The following CCDC102B variants were observed in gnomAD, a reference collection of about 807,000 sequenced individuals.
CCDC102B encodes the protein coiled-coil domain containing 102B.
Under a neutral mutation model 57.4 loss-of-function variants are expected in CCDC102B, and 75 were observed. The ratio of observed to expected loss-of-function variants is 1.31; its 90% CI spans 1.08 to 1.58. CCDC102B has a LOEUF of 1.58. Ranked by LOEUF, CCDC102B falls within the 40% of genes most tolerant of loss-of-function variation. CCDC102B has a pLI of 0.00. For synonymous variants in CCDC102B, 206 were observed against 201.9 expected (o/e 1.02, Z -0.17); for missense variants, 636 against 582.6 (o/e 1.09, Z -0.94).
chr18:69,046,422 C>T (rs1233514140), intron 7 of CCDC102B, among the ~76,000 whole-genome samples: 6 of 152,010 alleles, frequency 3.9e-5, no homozygotes, highest in Non-Finnish European at 8.8e-5. Context: ...TTCATATCCT[C>T]GGCCCACTTT....
chr18:68,925,380 G>A (rs906661453), intron 6 of CCDC102B, among the ~76,000 whole-genome samples: 2 of 151,774 alleles, frequency 1.3e-5, no homozygotes, highest in South Asian at 2.1e-4. Context: ...ATATACAGAC[G>A]GGGCTAGAAC....
At chr18:68,789,056 C>A (rs1201333966) in intron 2 of CCDC102B, among the ~76,000 whole-genome samples, 1 of 152,152 alleles carries the variant, frequency 6.6e-6, no homozygotes, top group Non-Finnish European at 1.5e-5. Context: ...ATTTGCTTAT[C>A]TGTAAAGTAT....
At chr18:68,733,113 G>GAAAT (rs2032958665) in intron 2 of CCDC102B, among the ~76,000 whole-genome samples, 1 of 152,070 alleles carries the variant, frequency 6.6e-6, no homozygotes, top group South Asian at 2.1e-4. Flanking sequence ...AAACAGCTCA[G>GAAAT]AAATGGAGCC....
At chr18:68,754,298 G>A (rs1471974242) in intron 2 of CCDC102B, 1 of 151,058 alleles carries the variant, frequency 6.6e-6, no homozygotes, top group Non-Finnish European at 1.5e-5. Flanking sequence ...ATGTTCACTG[G>A]AAATCAGTCA....
chr18:68,876,550 G>T (rs2039456791), intron 5 of CCDC102B, among the ~76,000 whole-genome samples: 1 of 152,140 alleles, frequency 6.6e-6, no homozygotes, highest in South Asian at 2.1e-4. Context: ...AGTAGGTGTT[G>T]ATCTGAATTG....
intron 1 of CCDC102B, among the ~76,000 whole-genome samples, chr18:68,835,650 CCTG>C (rs2037334284): frequency 6.6e-6 from 1 of 152,088 alleles, no homozygotes; most frequent in Non-Finnish European, 1.5e-5. Context: ...TATAGGTTAT[CCTG>C]CTCACATAGC....
At chr18:68,765,413 A>G (rs1213232756) in intron 2 of CCDC102B, among the ~76,000 whole-genome samples, 4 of 151,108 alleles carry the variant, frequency 2.6e-5, no homozygotes, top group Admixed American at 2.6e-4. Flanking sequence ...GGAAGGAAGG[A>G]AAGAGAAAGA....
At chr18:68,903,631 T>A (rs2145043220) in intron 6 of CCDC102B, among the ~76,000 whole-genome samples, 1 of 152,322 alleles carries the variant, frequency 6.6e-6, no homozygotes, top group Middle Eastern at 3.4e-3. Context: ...ATAAGCAGTC[T>A]ATGTATTCTC....
intron 7 of CCDC102B, among the ~76,000 whole-genome samples, chr18:69,016,976 G>A (rs1200195552): frequency 6.6e-6 from 1 of 152,032 alleles, no homozygotes; most frequent in Non-Finnish European, 1.5e-5. Flanking sequence ...AATATTAACT[G>A]CATCTTAACT....
At chr18:68,838,999 T>C (rs1568280063) in intron 3 of CCDC102B, 73 bp downstream of exon 3, 11 of 1,180,428 alleles carry the variant, frequency 9.3e-6, no homozygotes, top group South Asian at 6.4e-5. Flanking sequence ...TACAGATAGA[T>C]TGGTCATTTG....
At chr18:69,029,038 A>G (rs1285093627) in intron 7 of CCDC102B, among the ~76,000 whole-genome samples, 1 of 152,318 alleles carries the variant, frequency 6.6e-6, no homozygotes. Flanking sequence ...TTATCTCACT[A>G]TATAGCTGCA....
At chr18:68,940,553 G>C (rs1195437518) in intron 6 of CCDC102B, among the ~76,000 whole-genome samples, 1 of 151,726 alleles carries the variant, frequency 6.6e-6, no homozygotes, top group Non-Finnish European at 1.5e-5. Context: ...TCTTAAAGAA[G>C]CTTGTGAGAT....
chr18:68,765,493 AAAG>A (rs1049144074), intron 2 of CCDC102B, among the ~76,000 whole-genome samples: 2 of 152,012 alleles, frequency 1.3e-5, no homozygotes, highest in African/African-American at 4.8e-5. Flanking sequence ...AGGAAGAAAG[AAAG>A]AAGAAAGCAA....
At chr18:69,017,072 ATTTACT>A (rs2051689432) in intron 7 of CCDC102B, among the ~76,000 whole-genome samples, 1 of 151,844 alleles carries the variant, frequency 6.6e-6, no homozygotes, top group Non-Finnish European at 1.5e-5. Context: ...TATTAATAAG[ATTTACT>A]TTTAGTTCCA....
intron 6 of CCDC102B, among the ~76,000 whole-genome samples, chr18:68,950,087 T>A (rs1423615374): frequency 6.6e-6 from 1 of 152,134 alleles, no homozygotes; most frequent in Non-Finnish European, 1.5e-5. Context: ...CTATTCAAGA[T>A]AACATGAGAT....
chr18:68,904,186 A>G (rs1423969891), intron 6 of CCDC102B, among the ~76,000 whole-genome samples: 2 of 152,148 alleles, frequency 1.3e-5, no homozygotes, highest in Non-Finnish European at 2.9e-5. Flanking sequence ...CTGTTTACAT[A>G]GATTCTATAG....
chr18:68,742,777 G>T (rs2033447100), intron 2 of CCDC102B, among the ~76,000 whole-genome samples: 1 of 152,086 alleles, frequency 6.6e-6, no homozygotes, highest in South Asian at 2.1e-4. Context: ...TTCATTAGAG[G>T]CTGCATAGTG....
At chr18:68,818,402 C>T (rs1282847666) in intron 1 of CCDC102B, among the ~76,000 whole-genome samples, 1 of 152,134 alleles carries the variant, frequency 6.6e-6, no homozygotes, top group Non-Finnish European at 1.5e-5. Flanking sequence ...ACGTTGATGG[C>T]TTTATGTAAA....
At chr18:68,943,999 C>A (rs368756720) in intron 6 of CCDC102B, among the ~76,000 whole-genome samples, 61 of 152,088 alleles carry the variant, frequency 4.0e-4, no homozygotes, top group South Asian at 1.0e-3. Flanking sequence ...GATGCTATGC[C>A]GGACAGGGAC....
Sources: allele counts gnomAD v4.1 joint callset (sites outside exome capture counted in the v4.1 genomes callset), GRCh38; gene constraint gnomAD v4.1.1; transcripts MANE v1.5; gene names NCBI Gene and HGNC (gene_info 2026-07-23, HGNC 2026-07-21).